Variants in GRIA1 observed in about 807,000 individuals in gnomAD.
The protein encoded by GRIA1 is glutamate receptor 1.
A neutral mutation model predicts 99.2 loss-of-function variants in GRIA1; 31 were observed. That is an observed-to-expected ratio of 0.31 (90% CI 0.23 to 0.42). The LOEUF (loss-of-function observed/expected upper bound fraction) is 0.42, where lower values mean the gene tolerates loss of function less well. Ranked by LOEUF, GRIA1 falls within the 10% of genes least tolerant of loss-of-function variation. GRIA1 has a pLI of 1.00. For synonymous variants in GRIA1, 438 were observed against 432.4 expected (o/e 1.01, Z -0.16); for missense variants, 782 against 1,157.5 (o/e 0.68, Z 4.71).
At chr5:153,613,470 C>G (rs1256517194) in intron 2 of GRIA1, among the ~76,000 whole-genome samples, 1 of 152,158 alleles carries the variant, frequency 6.6e-6, no homozygotes, top group African/African-American at 2.4e-5. Context: ...GTAATAGGTA[C>G]TGGGTCTGTA....
intron 11 of GRIA1, among the ~76,000 whole-genome samples, chr5:153,756,830 A>G (rs1762865506): frequency 6.6e-6 from 1 of 152,174 alleles, no homozygotes; most frequent in African/African-American, 2.4e-5. Flanking sequence ...TGGACAGGCC[A>G]ACTGAAGGAT....
At chr5:153,645,839 T>C (rs1231285921) in intron 2 of GRIA1, among the ~76,000 whole-genome samples, 1 of 152,172 alleles carries the variant, frequency 6.6e-6, no homozygotes, top group Non-Finnish European at 1.5e-5. Flanking sequence ...GTCACAAGGA[T>C]GTGATGAGGA....
In GRIA1 at chr5:153,533,211, G is replaced by A. The variant is rs961691681; in HGVS notation, c.220+39146G>A. ...CAAGGCAAATGCACAGAAGGGTCAG[G>A]CAAGTATCGTGAATGGAGGCTGGAC... On this transcript the variant is annotated intron_variant, in intron 2 of 15. Transcript: ENST00000285900. Among the ~76,000 whole-genome samples the A allele has an allele frequency of 4.6e-5, 7 of 152,248 alleles. No homozygotes were observed. In the East Asian group the frequency reaches 1.2e-3, roughly 25 times the overall value.
chr5:153,799,085 C>CT (rs541559700), intron 14 of GRIA1, among the ~76,000 whole-genome samples: 9 of 152,116 alleles, frequency 5.9e-5, no homozygotes, highest in African/African-American at 2.2e-4. Context: ...TTTTCCACCC[C>CT]CCCCTGACAA....
At chr5:153,519,006 T>A (rs1756883841) in intron 2 of GRIA1, among the ~76,000 whole-genome samples, 1 of 152,180 alleles carries the variant, frequency 6.6e-6, no homozygotes, top group Non-Finnish European at 1.5e-5. Flanking sequence ...GGCTTACGCC[T>A]GTAATCCCAG....
intron 2 of GRIA1, among the ~76,000 whole-genome samples, chr5:153,527,874 A>T (rs2113411846): frequency 6.6e-6 from 1 of 152,344 alleles, no homozygotes; most frequent in African/African-American, 2.4e-5. Flanking sequence ...GTGATGACCC[A>T]TTGCAGTCCT....
At chr5:153,745,970 A>G (rs1265875825) in intron 11 of GRIA1, among the ~76,000 whole-genome samples, 1 of 152,122 alleles carries the variant, frequency 6.6e-6, no homozygotes, top group Non-Finnish European at 1.5e-5. Flanking sequence ...TGTCCTCACG[A>G]CAGCCCTTTT....
At chr5:153,649,452 G>T (rs398050296) in intron 3 of GRIA1, among the ~76,000 whole-genome samples, 146 of 119,302 alleles carry the variant, frequency 1.2e-3, no homozygotes, top group African/African-American at 3.8e-3. Flanking sequence ...TAGTTAGTTA[G>T]TTAGTTAGTT....
intron 2 of GRIA1, among the ~76,000 whole-genome samples, chr5:153,640,086 G>A (rs940792833): frequency 1.3e-5 from 2 of 152,132 alleles, no homozygotes; most frequent in Non-Finnish European, 2.9e-5. Flanking sequence ...TGTTTGCCCT[G>A]GCCCCCTGCC....
chr5:153,541,946 A>AAC (rs1304332830), intron 2 of GRIA1, among the ~76,000 whole-genome samples: 7 of 150,956 alleles, frequency 4.6e-5, no homozygotes, highest in Non-Finnish European at 4.4e-5. Flanking sequence ...AAAAAAAAAA[A>AAC]AAAAAACAAG....
At chr5:153,664,612 A>G (rs889758919) in intron 5 of GRIA1, among the ~76,000 whole-genome samples, 2 of 152,052 alleles carry the variant, frequency 1.3e-5, no homozygotes, top group African/African-American at 4.8e-5. Flanking sequence ...TACTTGTGTA[A>G]TATTGGCCTT....
chr5:153,783,624 A>G (rs1764779970), intron 13 of GRIA1, among the ~76,000 whole-genome samples: 1 of 152,250 alleles, frequency 6.6e-6, no homozygotes, highest in South Asian at 2.1e-4. Flanking sequence ...AGGGCCAGAA[A>G]TAAATATTTG....
chr5:153,746,714 G>A (rs965722315), intron 11 of GRIA1, among the ~76,000 whole-genome samples: 7 of 152,176 alleles, frequency 4.6e-5, no homozygotes, highest in African/African-American at 9.7e-5. Flanking sequence ...ATTATGGGCC[G>A]TCCGGCAGGC....
intron 5 of GRIA1, among the ~76,000 whole-genome samples, chr5:153,662,267 C>T (rs10041424): frequency 0.021 from 3,260 of 152,286 alleles, 132 homozygotes; most frequent in African/African-American, 0.075. Flanking sequence ...CAGGCCTGTC[C>T]GTATGCCTGA....
intron 8 of GRIA1, among the ~76,000 whole-genome samples, chr5:153,690,253 A>G (rs1757649247): frequency 6.7e-6 from 1 of 150,328 alleles, no homozygotes; most frequent in Admixed American, 6.6e-5. Context: ...TAAAAGGAAT[A>G]CAAATAATAT....
intron 2 of GRIA1, among the ~76,000 whole-genome samples, chr5:153,600,697 GAGA>G (rs1764873130): frequency 1.3e-5 from 2 of 152,156 alleles, no homozygotes; most frequent in African/African-American, 4.8e-5. Context: ...GGGAAACTGG[GAGA>G]AGAAGCAGAG....
At chr5:153,571,616 AG>A (rs1762128419) in intron 2 of GRIA1, among the ~76,000 whole-genome samples, 1 of 152,210 alleles carries the variant, frequency 6.6e-6, no homozygotes. Flanking sequence ...CATGAGCCAT[AG>A]TTTTCTGACC....
chr5:153,707,681 G>A (rs1157794779), intron 11 of GRIA1, among the ~76,000 whole-genome samples: 1 of 152,146 alleles, frequency 6.6e-6, no homozygotes, highest in Non-Finnish European at 1.5e-5. Flanking sequence ...TCATTGTCAA[G>A]GAGGACCAAT....
chr5:153,558,862 C>G (rs1005622315), intron 2 of GRIA1, among the ~76,000 whole-genome samples: 2 of 152,070 alleles, frequency 1.3e-5, no homozygotes, highest in African/African-American at 4.8e-5. Context: ...CGGTCCAGGG[C>G]TCACAAAAGG....
Sources: gnomAD v4.1 joint callset for allele counts (sites outside exome capture counted in the v4.1 genomes callset) on GRCh38, gnomAD v4.1.1 for gene constraint, MANE v1.5 for transcripts, NCBI Gene and HGNC (gene_info 2026-07-23, HGNC 2026-07-21) for gene names.